The following UBR3 variants were observed in gnomAD, a reference collection of about 807,000 sequenced individuals.
The protein encoded by UBR3 is ubiquitin protein ligase E3 component n-recognin 3, also known as E3 ubiquitin-protein ligase UBR3.
A neutral mutation model predicts 243.2 loss-of-function variants in UBR3; 85 were observed. The ratio of observed to expected loss-of-function variants is 0.35; its 90% CI spans 0.29 to 0.42. UBR3 has a LOEUF of 0.42. Among genes scored for constraint, UBR3 ranks in the 10% least tolerant of loss-of-function variants. UBR3 has a pLI of 1.00. For missense variants in UBR3, 1,686 were observed against 2,300.8 expected, an observed-to-expected ratio of 0.73 and a Z score of 5.47; for synonymous variants, 748 against 799.8, an observed-to-expected ratio of 0.94 and a Z score of 1.09.
chr2:169,987,718 A>G (rs1011250230), intron 25 of UBR3, among the ~76,000 whole-genome samples: 19 of 152,096 alleles, frequency 1.2e-4, no homozygotes, highest in Admixed American at 5.2e-4. Context: ...TTTTCCAACA[A>G]GAGTATGTGT....
chr2:170,018,230 A>G (rs902829341), intron 30 of UBR3, among the ~76,000 whole-genome samples: 1 of 152,044 alleles, frequency 6.6e-6, no homozygotes, highest in Non-Finnish European at 1.5e-5. Flanking sequence ...TTCACCGTGA[A>G]TCCTTTTTTG....
chr2:170,064,086 T>C (rs10184551), intron 35 of UBR3, among the ~76,000 whole-genome samples: 148,827 of 152,348 alleles, frequency 0.98, 72,781 homozygotes, highest in East Asian at 1. Context: ...ATTTAATTTG[T>C]ATTTCTCTAA....
chr2:170,042,621 G>A (rs1467021423), intron 32 of UBR3, among the ~76,000 whole-genome samples: 2 of 150,580 alleles, frequency 1.3e-5, no homozygotes, highest in Admixed American at 6.6e-5. Flanking sequence ...CCCAGGAGGT[G>A]GAGGTTGCAG....
intron 21 of UBR3, among the ~76,000 whole-genome samples, chr2:169,946,689 A>G (rs768826529): frequency 1.8e-4 from 28 of 152,144 alleles, no homozygotes; most frequent in Non-Finnish European, 2.5e-4. Flanking sequence ...TTCCTATCAC[A>G]AAAATTAAGA....
chr2:169,957,594 G>C (rs1402133443), intron 23 of UBR3, among the ~76,000 whole-genome samples: 2 of 150,896 alleles, frequency 1.3e-5, no homozygotes, highest in Non-Finnish European at 1.5e-5. Flanking sequence ...GAAAGCATTA[G>C]GAGATATACC....
intron 10 of UBR3, among the ~76,000 whole-genome samples, chr2:169,907,789 A>G (rs1290583993): frequency 2.7e-5 from 4 of 147,910 alleles, no homozygotes; most frequent in Non-Finnish European, 6.0e-5. Flanking sequence ...ATTTTTTTTT[A>G]TTTTTTGAGA....
chr2:169,936,137 G>A (rs2086318539), intron 19 of UBR3, among the ~76,000 whole-genome samples: 3 of 151,926 alleles, frequency 2.0e-5, no homozygotes, highest in African/African-American at 7.3e-5. Flanking sequence ...TCGGCTCACC[G>A]CAACCTCTGC....
rs768892491 is a variant in UBR3 at position 170,061,151 on chromosome 2, T to TTA, written c.4861_4862dup (p.His1622ThrfsTer94). On this transcript the variant is annotated frameshift_variant, in exon 34 of 39. Coordinates refer to ENST00000272793, the MANE Select transcript of UBR3 (RefSeq NM_172070.4). LOFTEE classifies it high-confidence loss of function. ...GATAAGTGAACTATTTAAAGGAAAGTTATACCATGAAGAAGGAACTCAGGA... is the reference window on the plus strand; with the variant it reads ...GATAAGTGAACTATTTAAAGGAAAGTTATATACCATGAAGAAGGAACTCAGGA... 6.2e-7 allele frequency: 1 copy of TTA among 1,600,940 alleles called. No individual in the cohort carries two copies. The highest frequency in any genetic ancestry group is 8.5e-7 in the Non-Finnish European group (1 of 1,176,476).
At chr2:170,027,621 TC>T (rs1456675005) in intron 30 of UBR3, among the ~76,000 whole-genome samples, 1 of 151,760 alleles carries the variant, frequency 6.6e-6, no homozygotes, top group Non-Finnish European at 1.5e-5. Flanking sequence ...AGCCCTTTGA[TC>T]AAGTTAATAC....
chr2:169,830,450 C>G (rs957751782), intron 1 of UBR3, among the ~76,000 whole-genome samples: 1 of 152,092 alleles, frequency 6.6e-6, no homozygotes, highest in African/African-American at 2.4e-5. Flanking sequence ...TATTCTTTGA[C>G]TCTGAGATTA....
At chr2:169,958,575 T>A (rs1353160331) in intron 24 of UBR3, 49 bp downstream of exon 24, 1 of 1,519,756 alleles carries the variant, frequency 6.6e-7, no homozygotes, top group South Asian at 1.2e-5. Flanking sequence ...ACTTATTACT[T>A]TAGGGATGAT....
rs1003318787 is a variant in UBR3 at position 169,975,366 on chromosome 2, G to T, written c.3635-11279G>T. ...TTAAGTTTGTTGTGACTTGTTTTTT[G>T]GCCTAACGTGATCTATCCTGGAAAA... On this transcript the variant is annotated intron_variant, in intron 24 of 38. Coordinates refer to ENST00000272793, the MANE Select transcript of UBR3 (RefSeq NM_172070.4). 4.6e-5 allele frequency among the ~76,000 whole-genome samples: 7 copies of T among 152,062 alleles called. No individual in the cohort carries two copies. In the East Asian group the frequency reaches 1.4e-3, roughly 29 times the overall value.
At chr2:169,869,186 T>TA (rs1655570920) in intron 1 of UBR3, among the ~76,000 whole-genome samples, 1 of 150,848 alleles carries the variant, frequency 6.6e-6, no homozygotes, top group Non-Finnish European at 1.5e-5. Context: ...TTTTTTTGTT[T>TA]AAACTTCTGG....
chr2:169,883,883 G>C (rs746551356), intron 5 of UBR3, among the ~76,000 whole-genome samples: 3 of 152,138 alleles, frequency 2.0e-5, no homozygotes, highest in Non-Finnish European at 4.4e-5. Flanking sequence ...GCCCAGGCTG[G>C]AGTGTAGTGG....
chr2:169,963,394 C>T (rs956855925), intron 24 of UBR3, among the ~76,000 whole-genome samples: 2 of 152,156 alleles, frequency 1.3e-5, no homozygotes, highest in Non-Finnish European at 2.9e-5. Context: ...TCTCTTTCTC[C>T]TCCAGTCTCA....
At chr2:169,850,769 G>A (rs560893850) in intron 1 of UBR3, among the ~76,000 whole-genome samples, 14 of 151,918 alleles carry the variant, frequency 9.2e-5, no homozygotes, top group African/African-American at 3.1e-4. Context: ...GCATGAACCC[G>A]GGAGGCGGAG....
intron 1 of UBR3, among the ~76,000 whole-genome samples, chr2:169,846,839 T>C (rs72625209): frequency 0.17 from 26,580 of 152,146 alleles, 2,597 homozygotes; most frequent in East Asian, 0.37. Flanking sequence ...CTCAGGTGAT[T>C]CTCCCACTTC....
intron 19 of UBR3, among the ~76,000 whole-genome samples, chr2:169,934,883 A>T (rs2086265285): frequency 6.6e-6 from 1 of 152,200 alleles, no homozygotes; most frequent in Admixed American, 6.5e-5. Context: ...AAGGCCTTTA[A>T]GATCTAGTCC....
At chr2:169,831,127 ATTTTTTTTTTTTT>A (rs34139528) in intron 1 of UBR3, among the ~76,000 whole-genome samples, 1 of 56,476 alleles carries the variant, frequency 1.8e-5, no homozygotes, top group Non-Finnish European at 2.8e-5. Flanking sequence ...ATATATATAT[ATTTTTTTTTTTTT>A]TTTTTTTTTT....
Sources: gnomAD v4.1 joint callset for allele counts (sites outside exome capture counted in the v4.1 genomes callset) on GRCh38, gnomAD v4.1.1 for gene constraint, MANE v1.5 for transcripts, NCBI Gene and HGNC (gene_info 2026-07-23, HGNC 2026-07-21) for gene names.